The following PTPRM variants were observed in gnomAD, a reference collection of about 807,000 sequenced individuals.
PTPRM encodes receptor-type tyrosine-protein phosphatase mu.
Under a neutral mutation model 186.7 loss-of-function variants are expected in PTPRM, and 47 were observed. The ratio of observed to expected loss-of-function variants is 0.25; its 90% CI spans 0.20 to 0.32. The LOEUF (loss-of-function observed/expected upper bound fraction) is 0.32, where lower values mean the gene tolerates loss of function less well. Ranked by LOEUF, PTPRM falls within the 10% of genes least tolerant of loss-of-function variation. PTPRM has a pLI of 1.00. For synonymous variants in PTPRM, 668 were observed against 674.9 expected (o/e 0.99, Z 0.16); for missense variants, 1,494 against 1,865.0 (o/e 0.80, Z 3.66).
At chr18:8,394,894 C>T (rs1197397543) in intron 32 of PTPRM, among the ~76,000 whole-genome samples, 4 of 152,188 alleles carry the variant, frequency 2.6e-5, no homozygotes, top group Admixed American at 2.0e-4. Flanking sequence ...GCAGTGCCTT[C>T]CATGTGGCTA....
intron 1 of PTPRM, among the ~76,000 whole-genome samples, chr18:7,713,723 G>A (rs565589878): frequency 8.0e-5 from 12 of 149,254 alleles, no homozygotes; most frequent in East Asian, 7.8e-4. Flanking sequence ...AGGAGGGGTC[G>A]CAATCCTGGT....
intron 1 of PTPRM, among the ~76,000 whole-genome samples, chr18:7,757,343 C>G (rs781782317): frequency 2.6e-5 from 4 of 152,220 alleles, no homozygotes; most frequent in African/African-American, 4.8e-5. Context: ...TCGGATGAAT[C>G]AGGAGTTTTT....
At chr18:8,049,621 C>T (rs2087320087) in intron 7 of PTPRM, among the ~76,000 whole-genome samples, 2 of 151,234 alleles carry the variant, frequency 1.3e-5, no homozygotes, top group Admixed American at 1.3e-4. Context: ...TTGATGGTTA[C>T]AGAATGCAGT....
intron 28 of PTPRM, among the ~76,000 whole-genome samples, chr18:8,379,716 C>A (rs1322705138): frequency 6.6e-6 from 1 of 152,186 alleles, no homozygotes; most frequent in African/African-American, 2.4e-5. Context: ...GGGGAAAGTT[C>A]AACTCATTAC....
At chr18:7,878,901 TTAAAC>T (rs1325085745) in intron 2 of PTPRM, among the ~76,000 whole-genome samples, 1 of 152,204 alleles carries the variant, frequency 6.6e-6, no homozygotes, top group Non-Finnish European at 1.5e-5. Context: ...GTATGGGAAA[TTAAAC>T]AGTCTCTTTA....
At chr18:8,281,357 T>C (rs2147743676) in intron 19 of PTPRM, among the ~76,000 whole-genome samples, 1 of 152,314 alleles carries the variant, frequency 6.6e-6, no homozygotes, top group Non-Finnish European at 1.5e-5. Flanking sequence ...GTTTTGTTCC[T>C]GGTCTCTCCT....
chr18:7,729,742 T>C (rs1358238407), intron 1 of PTPRM, among the ~76,000 whole-genome samples: 1 of 152,186 alleles, frequency 6.6e-6, no homozygotes, highest in Non-Finnish European at 1.5e-5. Context: ...GTTATTATCC[T>C]CAGTTACTTC....
chr18:7,799,520 G>A (rs2043843131), intron 2 of PTPRM, among the ~76,000 whole-genome samples: 1 of 152,132 alleles, frequency 6.6e-6, no homozygotes, highest in Admixed American at 6.5e-5. Context: ...AATATATCAT[G>A]TCTTTTAATC....
chr18:7,994,434 C>CTAGGACTTAAACTAGATTTTA (rs1568150855), intron 7 of PTPRM, among the ~76,000 whole-genome samples: 3 of 152,062 alleles, frequency 2.0e-5, no homozygotes, highest in Non-Finnish European at 4.4e-5. Context: ...GATAGAAAAT[C>CTAGGACTTAAACTAGATTTTA]AACAAAGAAA....
intron 19 of PTPRM, among the ~76,000 whole-genome samples, chr18:8,271,790 T>C (rs955864805): frequency 6.6e-6 from 1 of 152,204 alleles, no homozygotes; most frequent in African/African-American, 2.4e-5. Context: ...TATATTCTTA[T>C]CTTTTTAATT....
chr18:8,384,420 T>A lies in PTPRM; in HGVS notation c.3919-141T>A, dbSNP rs1042499415. ...CTGCAGTGAGCCATGATCGCACCAC[T>A]GCACTCTAGCTGGGGAGACAGAGCA... On this transcript the variant is annotated intron_variant, in intron 29 of 32. Transcript: ENST00000580170. 11 of 935,820 alleles carry A rather than the reference T, an allele frequency of 1.2e-5. No individual in the cohort carries two copies. The African/African-American group carries it at 1.8e-4, about 16-fold the overall frequency. The allele number at this position is 935,820 out of a possible 1,614,324, so 58.0% of individuals were successfully genotyped here.
chr18:8,348,957 T>A (rs1456963529), intron 23 of PTPRM, among the ~76,000 whole-genome samples: 2 of 152,110 alleles, frequency 1.3e-5, no homozygotes, highest in African/African-American at 2.4e-5. Flanking sequence ...CAGTAGGGGA[T>A]GGGAAGAAAC....
chr18:8,245,601 A>G (rs2094470304), intron 15 of PTPRM, among the ~76,000 whole-genome samples: 1 of 152,186 alleles, frequency 6.6e-6, no homozygotes, highest in Admixed American at 6.5e-5. Context: ...AAAGCAACCT[A>G]TGATGCATTC....
chr18:8,027,690 G>A (rs905205967), intron 7 of PTPRM, among the ~76,000 whole-genome samples: 1 of 152,138 alleles, frequency 6.6e-6, no homozygotes, highest in Non-Finnish European at 1.5e-5. Flanking sequence ...TAAGAGAAGA[G>A]CATAATTTCT....
chr18:8,025,584 T>A (rs2085518742), intron 7 of PTPRM, among the ~76,000 whole-genome samples: 1 of 152,216 alleles, frequency 6.6e-6, no homozygotes, highest in Non-Finnish European at 1.5e-5. Context: ...GTTTATTTTT[T>A]ATATCTGTAT....
chr18:8,160,492 G>T (rs2093209763), intron 14 of PTPRM, among the ~76,000 whole-genome samples: 1 of 152,150 alleles, frequency 6.6e-6, no homozygotes, highest in African/African-American at 2.4e-5. Context: ...ACAGGGTGTT[G>T]CCATGCTGCC....
intron 1 of PTPRM, among the ~76,000 whole-genome samples, chr18:7,769,355 G>T (rs1568103108): frequency 6.6e-6 from 1 of 152,158 alleles, no homozygotes; most frequent in African/African-American, 2.4e-5. Flanking sequence ...TTCTGTATCT[G>T]TAAAATGAGG....
chr18:7,654,342 A>G (rs1204792628), intron 1 of PTPRM, among the ~76,000 whole-genome samples: 1 of 152,092 alleles, frequency 6.6e-6, no homozygotes, highest in African/African-American at 2.4e-5. Context: ...GGAGGTTACA[A>G]ATTTTTTTGT....
chr18:7,963,513 C>G (rs2053819067), intron 7 of PTPRM, among the ~76,000 whole-genome samples: 1 of 152,188 alleles, frequency 6.6e-6, no homozygotes. Context: ...GGCCCTTTGG[C>G]TGTGAAAAAT....
Sources: gnomAD v4.1 joint callset for allele counts (sites outside exome capture counted in the v4.1 genomes callset) on GRCh38, gnomAD v4.1.1 for gene constraint, MANE v1.5 for transcripts, NCBI Gene and HGNC (gene_info 2026-07-23, HGNC 2026-07-21) for gene names.